BCAR3: variants seen among roughly 807,000 people sequenced by gnomAD.
BCAR3 encodes breast cancer anti-estrogen resistance protein 3.
BCAR3 carries 37 observed loss-of-function variants against 80.1 expected under a neutral mutation model. The ratio of observed to expected loss-of-function variants is 0.46; its 90% CI spans 0.36 to 0.61. The LOEUF is 0.61. BCAR3 is among the 20% of genes least tolerant of loss of function. The pLI, the probability that BCAR3 is intolerant of heterozygous loss-of-function variation, is 0.00. For missense variants in BCAR3, 978 were observed against 1,068.2 expected (o/e 0.92, Z 1.18); for synonymous variants, 389 against 418.9 (o/e 0.93, Z 0.87).
intron 2 of BCAR3, among the ~76,000 whole-genome samples, chr1:93,837,661 C>T (rs1245570532): frequency 6.6e-6 from 1 of 152,226 alleles, no homozygotes; most frequent in Non-Finnish European, 1.5e-5. Flanking sequence ...AATCAGGCTC[C>T]ACTTCTCTCC....
At chr1:93,624,046 G>A (rs1033772379) in intron 3 of BCAR3, among the ~76,000 whole-genome samples, 1 of 152,170 alleles carries the variant, frequency 6.6e-6, no homozygotes, top group African/African-American at 2.4e-5. Flanking sequence ...TTTGCCTCTA[G>A]GAAGAGGGAG....
chr1:93,701,672 TC>T (rs1295162110), intron 3 of BCAR3, among the ~76,000 whole-genome samples: 1 of 152,178 alleles, frequency 6.6e-6, no homozygotes, highest in Non-Finnish European at 1.5e-5. Context: ...GCCCTCTTTG[TC>T]CCCACTCTGC....
intron 3 of BCAR3, among the ~76,000 whole-genome samples, chr1:93,613,075 T>C (rs1282292731): frequency 6.6e-6 from 1 of 152,128 alleles, no homozygotes; most frequent in Non-Finnish European, 1.5e-5. Context: ...GTGGGAAGGA[T>C]TCCTTGAGAG....
At chr1:93,689,712 G>A (rs2101962708) in intron 3 of BCAR3, among the ~76,000 whole-genome samples, 1 of 152,282 alleles carries the variant, frequency 6.6e-6, no homozygotes, top group African/African-American at 2.4e-5. Flanking sequence ...GTTATGACCG[G>A]AAAGGGCTCA....
intron 2 of BCAR3, among the ~76,000 whole-genome samples, chr1:93,826,720 G>A (rs1027285406): frequency 4.6e-5 from 7 of 152,274 alleles, no homozygotes; most frequent in Middle Eastern, 3.4e-3. Context: ...AGTCAGGGGA[G>A]ATCTCCTAAG....
At chr1:93,650,876 T>C (rs1370611500) in intron 2 of BCAR3, among the ~76,000 whole-genome samples, 4 of 152,114 alleles carry the variant, frequency 2.6e-5, no homozygotes, top group Admixed American at 6.5e-5. Context: ...CCAAGTTTAA[T>C]TGTGAAATAG....
At chr1:93,615,946 A>C (rs960379021) in intron 3 of BCAR3, among the ~76,000 whole-genome samples, 1 of 152,188 alleles carries the variant, frequency 6.6e-6, no homozygotes, top group African/African-American at 2.4e-5. Flanking sequence ...CCTGCACAGA[A>C]ATTCGTGAGA....
At chr1:93,679,556 C>T (rs1443282685) in intron 1 of BCAR3, among the ~76,000 whole-genome samples, 2 of 152,208 alleles carry the variant, frequency 1.3e-5, no homozygotes. Context: ...GGAAAACAAA[C>T]ACAATGTCCT....
At chr1:93,620,497 C>T (rs531294911) in intron 3 of BCAR3, among the ~76,000 whole-genome samples, 12 of 152,124 alleles carry the variant, frequency 7.9e-5, no homozygotes, top group Admixed American at 3.9e-4. Context: ...CTTGTCTGAG[C>T]CAATCTGACT....
At chr1:93,750,012 G>C (rs1651503184) in intron 2 of BCAR3, among the ~76,000 whole-genome samples, 1 of 151,112 alleles carries the variant, frequency 6.6e-6, no homozygotes, top group Admixed American at 6.6e-5. Context: ...GAAGGAATTT[G>C]TACTACAATT....
upstream of BCAR3, among the ~76,000 whole-genome samples, chr1:93,682,395 C>T (rs1001273429): frequency 5.9e-5 from 9 of 152,176 alleles, no homozygotes; most frequent in African/African-American, 2.2e-4. Flanking sequence ...GAAGGATAGA[C>T]AAACTGACCA....
intron 2 of BCAR3, among the ~76,000 whole-genome samples, chr1:93,756,350 C>T (rs889507810): frequency 2.0e-5 from 3 of 152,128 alleles, no homozygotes; most frequent in Non-Finnish European, 1.5e-5. Flanking sequence ...CTCTGTAATA[C>T]CACTCCCTGG....
Position 93,562,429 on chromosome 1 carries a change from CAAAAT to C in BCAR3, c.2300-15_2300-11del, listed in dbSNP as rs1557830246. On this transcript the variant is annotated splice_polypyrimidine_tract_variant and intron_variant, in intron 11 of 11. Coordinates refer to ENST00000260502, the MANE Select transcript of BCAR3 (RefSeq NM_003567.4). ...TCATCTGGTTGAAAACCTAATGAAA[CAAAAT>C]AAACAAAAAGTTACTTCAGTTCTGC... 4 of 1,609,902 alleles carry C rather than the reference CAAAAT, an allele frequency of 2.5e-6. No homozygotes were observed. The highest frequency in any genetic ancestry group is 3.5e-4 in the Middle Eastern group (2 of 5,778).
intron 8 of BCAR3, among the ~76,000 whole-genome samples, chr1:93,575,496 G>A (rs886518412): frequency 1.3e-5 from 2 of 152,120 alleles, no homozygotes; most frequent in East Asian, 1.9e-4. Flanking sequence ...CGGAGGCCCC[G>A]GACCAGTGCC....
chr1:93,614,872 C>T (rs112199359), intron 3 of BCAR3, among the ~76,000 whole-genome samples: 7 of 152,268 alleles, frequency 4.6e-5, no homozygotes, highest in African/African-American at 1.2e-4. Flanking sequence ...TCGCATCCAA[C>T]GCAGCCAAGC....
chr1:93,820,736 C>T (rs1420118411), intron 2 of BCAR3, among the ~76,000 whole-genome samples: 1 of 152,078 alleles, frequency 6.6e-6, no homozygotes, highest in Non-Finnish European at 1.5e-5. Flanking sequence ...AATCAGGGGG[C>T]ATTGGTGATT....
intron 2 of BCAR3, among the ~76,000 whole-genome samples, chr1:93,719,319 T>C (rs1379308266): frequency 1.3e-5 from 2 of 150,314 alleles, no homozygotes; most frequent in East Asian, 2.0e-4. Context: ...TTAGTCTCTA[T>C]ATTTAAACTT....
At chr1:93,660,731 T>A (rs1264422253) in intron 2 of BCAR3, among the ~76,000 whole-genome samples, 1 of 152,274 alleles carries the variant, frequency 6.6e-6, no homozygotes, top group Non-Finnish European at 1.5e-5. Flanking sequence ...GTTTGTTTGT[T>A]TGATACAGAG....
At chr1:93,759,654 C>A (rs915770346) in intron 2 of BCAR3, among the ~76,000 whole-genome samples, 1 of 152,156 alleles carries the variant, frequency 6.6e-6, no homozygotes, top group Non-Finnish European at 1.5e-5. Flanking sequence ...CTGTCAAGCA[C>A]CACACTAAAT....
Sources: gnomAD v4.1 joint callset for allele counts (sites outside exome capture counted in the v4.1 genomes callset) on GRCh38, gnomAD v4.1.1 for gene constraint, MANE v1.5 for transcripts, NCBI Gene and HGNC (gene_info 2026-07-23, HGNC 2026-07-21) for gene names.